CASR: variants seen among roughly 807,000 people sequenced by gnomAD.
CASR encodes the protein extracellular calcium-sensing receptor.
CASR carries 23 observed loss-of-function variants against 69.1 expected under a neutral mutation model. The ratio of observed to expected loss-of-function variants is 0.33; its 90% CI spans 0.24 to 0.47. CASR has a LOEUF of 0.47. CASR is among the 20% of genes least tolerant of loss of function. The probability of loss-of-function intolerance (pLI) is 1.00; values close to 1 mark genes in which losing one functional copy is unlikely to be tolerated. For missense variants in CASR, 924 were observed against 1,356.1 expected (o/e 0.68, Z 5.00); for synonymous variants, 541 against 544.7 (o/e 0.99, Z 0.10).
intron 1 of CASR, among the ~76,000 whole-genome samples, chr3:122,199,006 C>T (rs1224048996): frequency 6.6e-6 from 1 of 152,134 alleles, no homozygotes; most frequent in African/African-American, 2.4e-5. Flanking sequence ...ATTTCAAATT[C>T]CCTCTTTTTA....
intron 4 of CASR, among the ~76,000 whole-genome samples, chr3:122,266,454 G>A (rs559522407): frequency 1.7e-4 from 26 of 151,812 alleles, no homozygotes; most frequent in African/African-American, 6.3e-4. Context: ...TTTTGAGGCA[G>A]AGTCTTGCTC....
chr3:122,224,911 T>C (rs929289801), intron 1 of CASR, among the ~76,000 whole-genome samples: 1 of 152,094 alleles, frequency 6.6e-6, no homozygotes, highest in Non-Finnish European at 1.5e-5. Context: ...ACCTGACCTT[T>C]GACAAAATCA....
At chr3:122,272,450 C>A (rs1014690268) in intron 4 of CASR, among the ~76,000 whole-genome samples, 2 of 152,072 alleles carry the variant, frequency 1.3e-5, no homozygotes, top group Non-Finnish European at 2.9e-5. Context: ...ATATCTTTGC[C>A]CATGCTGTTC....
chr3:122,282,075 A>G, intron 5 of CASR, 38 bp from the exon 6 acceptor site: 3 of 1,614,172 alleles, frequency 1.9e-6, no homozygotes, highest in Non-Finnish European at 1.7e-6. Flanking sequence ...CTGACCCTAC[A>G]ACTACAGCCA....
intron 1 of CASR, among the ~76,000 whole-genome samples, chr3:122,215,507 T>A (rs2074109411): frequency 6.6e-6 from 1 of 152,232 alleles, no homozygotes; most frequent in African/African-American, 2.4e-5. Flanking sequence ...AAGCACAGAT[T>A]ATTACGGAGA....
intron 2 of CASR, 69 bp downstream of exon 2, chr3:122,254,443 C>A: frequency 6.8e-7 from 1 of 1,480,696 alleles, no homozygotes; most frequent in Non-Finnish European, 9.4e-7. Flanking sequence ...GCACCAAACG[C>A]AAAATAATTT....
intron 1 of CASR, among the ~76,000 whole-genome samples, chr3:122,205,663 G>A (rs1040540957): frequency 1.3e-5 from 2 of 151,946 alleles, no homozygotes; most frequent in Non-Finnish European, 2.9e-5. Context: ...GGGTACTATT[G>A]TCACTTTAAC....
chr3:122,272,741 A>T (rs1292981173), intron 4 of CASR, among the ~76,000 whole-genome samples: 2 of 152,266 alleles, frequency 1.3e-5, no homozygotes, highest in Non-Finnish European at 2.9e-5. Context: ...CAGAACACAC[A>T]GTGGATACTC....
chr3:122,235,815 T>C (rs1015586497), intron 1 of CASR, among the ~76,000 whole-genome samples: 1 of 152,174 alleles, frequency 6.6e-6, no homozygotes, highest in Non-Finnish European at 1.5e-5. Flanking sequence ...AATACATAAA[T>C]AAAATTACAT....
At position 122,255,266 on chromosome 3, in the gene CASR, A is replaced by G. The variant is rs150157374; in HGVS notation, c.185+892A>G. Among the ~76,000 whole-genome samples the G allele has an allele frequency of 6.8e-4, 103 of 152,260 alleles. 1 individual carries two copies. In the East Asian group the frequency reaches 0.013, roughly 19 times the overall value. On this transcript the variant is annotated intron_variant, in intron 2 of 6. Transcript: ENST00000639785. ...GACTGTTTATCACCTCCCCTAATCT[A>G]CACTGGAGACTGACTGTGCTCCAAA...
intron 1 of CASR, among the ~76,000 whole-genome samples, chr3:122,205,633 T>C (rs2073999025): frequency 6.6e-6 from 1 of 152,116 alleles, no homozygotes; most frequent in Non-Finnish European, 1.5e-5. Context: ...AGGGATTGCA[T>C]TGAATCTGTA....
chr3:122,224,854 A>G (rs1190931184), intron 1 of CASR, among the ~76,000 whole-genome samples: 1 of 152,142 alleles, frequency 6.6e-6, no homozygotes, highest in Non-Finnish European at 1.5e-5. Context: ...ACATAGACCA[A>G]TGGAACAGGA....
intron 1 of CASR, among the ~76,000 whole-genome samples, chr3:122,211,811 G>C (rs980885055): frequency 7.9e-5 from 12 of 151,466 alleles, no homozygotes; most frequent in African/African-American, 2.9e-4. Context: ...ATGAAAAAAA[G>C]TTCAACATCA....
Position 122,285,144 on chromosome 3 carries a change from A to T in CASR, c.3190A>T (p.Ile1064Phe). The T allele has an allele frequency of 6.2e-7, 1 of 1,614,220 alleles. No individual in the cohort carries two copies. Among genetic ancestry groups the T allele is most frequent in the Non-Finnish European group, 8.5e-7 (1 of 1,180,030 alleles). Residue 1064 changes from isoleucine to phenylalanine, a missense_variant, in exon 7 of 7, where the codon ATC (isoleucine) becomes TTC (phenylalanine). By Grantham distance (21) the Ile-to-Phe change is conservative (BLOSUM62 0). This residue lies in a region of CASR where 201 missense variants were observed against 228.8 expected (regional missense o/e 0.88). Coordinates refer to ENST00000639785, the MANE Select transcript of CASR (RefSeq NM_000388.4). ...LVVSSSQSFVISGGGSTVTEN... is the reference protein window; with the variant it reads ...LVVSSSQSFVFSGGGSTVTEN... ...AGTGTCCAGTTCACAGAGCTTTGTCATCAGTGGTGGAGGCAGCACTGTTAC... is the reference window on the plus strand; with the variant it reads ...AGTGTCCAGTTCACAGAGCTTTGTCTTCAGTGGTGGAGGCAGCACTGTTAC...
chr3:122,186,416 G>T (rs1382810539), intron 1 of CASR, among the ~76,000 whole-genome samples: 1 of 152,174 alleles, frequency 6.6e-6, no homozygotes, highest in Non-Finnish European at 1.5e-5. Flanking sequence ...GTTTGAGACT[G>T]GTGAGGAGTT....
chr3:122,257,924 T>C (rs1230643753), intron 3 of CASR, among the ~76,000 whole-genome samples: 1 of 152,256 alleles, frequency 6.6e-6, no homozygotes, highest in Non-Finnish European at 1.5e-5. Flanking sequence ...AAATATTTAT[T>C]GAGCATATAT....
intron 1 of CASR, among the ~76,000 whole-genome samples, chr3:122,199,904 TTTG>T (rs1260598207): frequency 6.6e-6 from 1 of 152,118 alleles, no homozygotes; most frequent in Non-Finnish European, 1.5e-5. Flanking sequence ...TTTTTGTTTG[TTTG>T]TTTTTTGTTT....
At chr3:122,226,896 G>C (rs984948767) in intron 1 of CASR, among the ~76,000 whole-genome samples, 2 of 152,134 alleles carry the variant, frequency 1.3e-5, no homozygotes, top group African/African-American at 4.8e-5. Flanking sequence ...CAATCCTTGA[G>C]CTAGATACAG....
chr3:122,200,921 T>C (rs1357051250), intron 1 of CASR, among the ~76,000 whole-genome samples: 2 of 152,146 alleles, frequency 1.3e-5, no homozygotes, highest in Admixed American at 1.3e-4. Context: ...AATGAGTATA[T>C]GCTTCTTCTC....
Sources: gnomAD v4.1 joint callset for allele counts (sites outside exome capture counted in the v4.1 genomes callset) on GRCh38, gnomAD v4.1.1 for gene constraint, gnomAD v4.1.1 regional missense constraint, MANE v1.5 for transcripts, NCBI Gene and HGNC (gene_info 2026-07-23, HGNC 2026-07-21) for gene names.